The following C8orf34 variants were observed in gnomAD, a reference collection of about 807,000 sequenced individuals.
C8orf34 encodes the protein chromosome 8 open reading frame 34.
C8orf34 carries 65 observed loss-of-function variants against 68.3 expected under a neutral mutation model. That is an observed-to-expected ratio of 0.95 (90% CI 0.78 to 1.17). C8orf34 has a LOEUF of 1.17. Ranked by LOEUF, C8orf34 falls within the 50% of genes most tolerant of loss-of-function variation. The pLI, the probability that C8orf34 is intolerant of heterozygous loss-of-function variation, is 0.00. For synonymous variants in C8orf34, 244 were observed against 241.2 expected (o/e 1.01, Z -0.11); for missense variants, 664 against 655.4 (o/e 1.01, Z -0.14).
At chr8:68,813,025 A>G (rs1824701039) in intron 12 of C8orf34, among the ~76,000 whole-genome samples, 1 of 152,206 alleles carries the variant, frequency 6.6e-6, no homozygotes, top group African/African-American at 2.4e-5. Context: ...CTTTAATCCC[A>G]ACACGTGCTT....
At chr8:68,736,709 T>C (rs1822131858) in intron 10 of C8orf34, among the ~76,000 whole-genome samples, 1 of 152,072 alleles carries the variant, frequency 6.6e-6, no homozygotes, top group Admixed American at 6.6e-5. Context: ...TAGATTGAAC[T>C]GAAGGAGGAA....
At chr8:68,417,400 T>C (rs1809722617) in intron 1 of C8orf34, among the ~76,000 whole-genome samples, 1 of 152,078 alleles carries the variant, frequency 6.6e-6, no homozygotes, top group African/African-American at 2.4e-5. Context: ...TTTTAGTGTC[T>C]ATCAGTCAGA....
intron 11 of C8orf34, among the ~76,000 whole-genome samples, chr8:68,777,766 C>T (rs1407851231): frequency 6.6e-6 from 1 of 152,310 alleles, no homozygotes; most frequent in South Asian, 2.1e-4. Context: ...GTTTAAAAAT[C>T]TCCAATTTTA....
chr8:68,341,108 G>A (rs1343803671), intron 1 of C8orf34, among the ~76,000 whole-genome samples: 6 of 152,082 alleles, frequency 3.9e-5, no homozygotes, highest in Non-Finnish European at 1.5e-5. Flanking sequence ...TCATAGTTCT[G>A]GAGGCTGGAA....
At chr8:68,716,143 A>AG (rs772442742) in intron 9 of C8orf34, among the ~76,000 whole-genome samples, 102 of 151,406 alleles carry the variant, frequency 6.7e-4, no homozygotes, top group Non-Finnish European at 1.3e-3. Context: ...AGATTGATAT[A>AG]TTGGACTTTG....
intron 2 of C8orf34, among the ~76,000 whole-genome samples, chr8:68,443,535 C>T (rs1243036810): frequency 6.6e-6 from 1 of 151,838 alleles, no homozygotes; most frequent in Non-Finnish European, 1.5e-5. Context: ...GCTGGGACTA[C>T]AGGCACACGC....
chr8:68,685,743 A>G (rs1278745642), intron 8 of C8orf34, among the ~76,000 whole-genome samples: 1 of 151,826 alleles, frequency 6.6e-6, no homozygotes, highest in Non-Finnish European at 1.5e-5. Flanking sequence ...AGGCGTGGAC[A>G]TATGTGCCTG....
intron 5 of C8orf34, among the ~76,000 whole-genome samples, chr8:68,512,538 A>G (rs1006001910): frequency 6.6e-6 from 1 of 152,208 alleles, no homozygotes; most frequent in Admixed American, 6.5e-5. Flanking sequence ...CCACATTATC[A>G]TAAATTATTT....
At chr8:68,444,511 A>G (rs941948076) in intron 2 of C8orf34, among the ~76,000 whole-genome samples, 3 of 152,048 alleles carry the variant, frequency 2.0e-5, no homozygotes, top group South Asian at 2.1e-4. Context: ...TCAAACTTCA[A>G]TGAGGAATGT....
intron 12 of C8orf34, among the ~76,000 whole-genome samples, chr8:68,800,702 G>C (rs564192421): frequency 6.6e-6 from 1 of 152,194 alleles, no homozygotes; most frequent in African/African-American, 2.4e-5. Context: ...TTTAAAGATA[G>C]GAAATATCCA....
rs181179354 is a variant in C8orf34, at chr8:68,440,897, T to C, written c.475+1251T>C. On this transcript the variant is annotated intron_variant, in intron 2 of 13. Coordinates refer to ENST00000518698, the MANE Select transcript of C8orf34 (RefSeq NM_052958.4). The stretch of plus-strand genomic sequence containing the variant: ...TCTGCTCACTGCAAGCTCCGCTTCC[T>C]GGGTTCACGCCATTCTCCTGCTTCA... Among the ~76,000 whole-genome samples the C allele has an allele frequency of 5.8e-3, 872 of 151,628 alleles. 6 individuals carry two copies. Among genetic ancestry groups the C allele is most frequent in the African/African-American group, 0.02 (819 of 41,400 alleles).
chr8:68,594,502 A>G (rs1817486134), intron 7 of C8orf34, among the ~76,000 whole-genome samples: 1 of 152,096 alleles, frequency 6.6e-6, no homozygotes, highest in Non-Finnish European at 1.5e-5. Flanking sequence ...ACATGCATAT[A>G]TTATGTGATA....
At chr8:68,681,237 G>A (rs1946623385) in intron 8 of C8orf34, among the ~76,000 whole-genome samples, 1 of 152,170 alleles carries the variant, frequency 6.6e-6, no homozygotes, top group Non-Finnish European at 1.5e-5. Flanking sequence ...GTCCTGAGGT[G>A]ATGTATATCC....
chr8:68,339,381 T>C (rs548935739), intron 1 of C8orf34, among the ~76,000 whole-genome samples: 127 of 151,940 alleles, frequency 8.4e-4, no homozygotes, highest in African/African-American at 2.9e-3. Context: ...CCATCAGAAG[T>C]TAAAATAGTA....
At chr8:68,334,508 T>G (rs540965907) in intron 1 of C8orf34, among the ~76,000 whole-genome samples, 1 of 152,048 alleles carries the variant, frequency 6.6e-6, no homozygotes, top group Non-Finnish European at 1.5e-5. Flanking sequence ...TATAAAGAAA[T>G]AGAAACTTTT....
At chr8:68,466,769 G>C (rs1310347413) in intron 3 of C8orf34, among the ~76,000 whole-genome samples, 3 of 96,686 alleles carry the variant, frequency 3.1e-5, no homozygotes, top group African/African-American at 1.8e-4. Context: ...ATATATAGAT[G>C]CTTTCATTTC....
intron 7 of C8orf34, among the ~76,000 whole-genome samples, chr8:68,567,577 CTTTTTTTTTTTT>C (rs1160845483): frequency 3.7e-4 from 11 of 29,788 alleles, no homozygotes; most frequent in South Asian, 2.8e-3. Context: ...TTTCATTTAT[CTTTTTTTTTTTT>C]TTTTTTTTTT....
At chr8:68,559,567 A>G (rs1215072585) in intron 7 of C8orf34, among the ~76,000 whole-genome samples, 1 of 152,144 alleles carries the variant, frequency 6.6e-6, no homozygotes, top group Non-Finnish European at 1.5e-5. Flanking sequence ...GTCTATGGCA[A>G]AAAAACATTT....
intron 8 of C8orf34, among the ~76,000 whole-genome samples, chr8:68,672,704 CA>C (rs1820051662): frequency 1.3e-5 from 2 of 152,148 alleles, no homozygotes; most frequent in Non-Finnish European, 2.9e-5. Flanking sequence ...ACAAGAATGA[CA>C]ATTCCTGGGC....
Sources: gnomAD v4.1 joint callset for allele counts (sites outside exome capture counted in the v4.1 genomes callset) on GRCh38, gnomAD v4.1.1 for gene constraint, MANE v1.5 for transcripts, NCBI Gene and HGNC (gene_info 2026-07-23, HGNC 2026-07-21) for gene names.